Variants in NTMT1 observed in about 807,000 individuals in gnomAD.
The protein encoded by NTMT1 is N-terminal Xaa-Pro-Lys N-methyltransferase 1.
In NTMT1, 8 loss-of-function variants were observed where a neutral mutation model predicts 17.5. That is an observed-to-expected ratio of 0.46 (90% CI 0.27 to 0.82). The LOEUF (loss-of-function observed/expected upper bound fraction) is 0.82, where lower values mean the gene tolerates loss of function less well. Ranked by LOEUF, NTMT1 falls within the 40% of genes least tolerant of loss-of-function variation. The probability of loss-of-function intolerance (pLI) is 0.15; values close to 1 mark genes in which losing one functional copy is unlikely to be tolerated. For missense variants in NTMT1, 221 were observed against 303.5 expected (o/e 0.73, Z 2.02); for synonymous variants, 128 against 126.8 (o/e 1.01, Z -0.06).
chr9:129,616,749 T>C (rs1409368278), intron 1 of NTMT1, among the ~76,000 whole-genome samples: 4 of 152,204 alleles, frequency 2.6e-5, no homozygotes, highest in African/African-American at 9.6e-5. Flanking sequence ...GTTATATGTA[T>C]ATTTCATAGA....
chr9:129,634,018 G>C (rs1287614952), intron 2 of NTMT1, 36 bp from the exon 3 acceptor site: 1 of 1,594,736 alleles, frequency 6.3e-7, no homozygotes, highest in Non-Finnish European at 8.6e-7. Context: ...GCGGTGACAG[G>C]GTCCCTCTGA....
chr9:129,613,624 C>A lies in NTMT1; in HGVS notation c.-55+4446C>A. Reference sequence around the variant, plus strand: ...TGCAGGAAAGAGGGCAGGGTGAGATCTCTGCCCAGGAGGAGGGCACTGGTG... The same window carrying A: ...TGCAGGAAAGAGGGCAGGGTGAGATATCTGCCCAGGAGGAGGGCACTGGTG... On this transcript the variant is annotated intron_variant, in intron 1 of 3. Transcript: ENST00000372486. The surrounding 1 kb of genome is among the most constrained non-coding windows in gnomAD (Gnocchi z 6.2). The A allele has an allele frequency of 6.2e-7, 1 of 1,613,610 alleles. No individual in the cohort carries two copies.
intron 1 of NTMT1, chr9:129,615,623 G>T: frequency 6.3e-7 from 1 of 1,585,408 alleles, no homozygotes; most frequent in Admixed American, 1.8e-5. Context: ...CCTTGAGCCT[G>T]GGGACCTGTG....
chr9:129,618,690 TA>T (rs1830510557), intron 1 of NTMT1, among the ~76,000 whole-genome samples: 1 of 151,442 alleles, frequency 6.6e-6, no homozygotes, highest in African/African-American at 2.4e-5. Flanking sequence ...TATTTTATTT[TA>T]TTTTATTTCA....
Position 129,620,320 on chromosome 9 carries a change from G to C in NTMT1, c.-55+11142G>C. On this transcript the variant is annotated intron_variant, in intron 1 of 3. Coordinates refer to the NTMT1 transcript ENST00000372486. This position sits in a 1 kb window ranked among gnomAD's most constrained non-coding sequence, Gnocchi z 5.8. ...GCTTCCGCACGGCCCGCCGGGTCGC[G>C]GTGAGCAAGGCGGGCAGGCGCGGCG... 6 of 1,237,958 alleles carry C rather than the reference G, an allele frequency of 4.8e-6. No individual in the cohort carries two copies. The highest frequency in any genetic ancestry group is 3.1e-4 in the Middle Eastern group (1 of 3,204). 76.7% of individuals were successfully genotyped at this position (1,237,958 alleles called of 1,614,324 possible). A position where few individuals can be genotyped will look rare whatever the true frequency, so the allele number is the denominator to read the frequency against.
At chr9:129,615,574 G>C in intron 1 of NTMT1, 1 of 1,608,490 alleles carries the variant, frequency 6.2e-7, no homozygotes, top group Non-Finnish European at 8.5e-7. Flanking sequence ...TGCCTGCAGG[G>C]CCTAGAGCCT....
Position 129,613,681 on chromosome 9 carries a change from A to G in NTMT1, c.-55+4503A>G, listed in dbSNP as rs1451276051. ...CCCTCTTTTCCTCCCTCTGGCAGGC[A>G]GGGCCGGTCAGAGCCCTGTCTCCAT... On this transcript the variant is annotated intron_variant, in intron 1 of 3. Coordinates refer to the NTMT1 transcript ENST00000372486. This position sits in a 1 kb window ranked among gnomAD's most constrained non-coding sequence, Gnocchi z 6.2. 245 of 1,548,142 alleles carry G rather than the reference A, an allele frequency of 1.6e-4. No individual in the cohort carries two copies. The East Asian group carries it at 5.4e-3, about 34-fold the overall frequency.
Position 129,620,535 on chromosome 9 carries a change from C to T in NTMT1, c.-55+11357C>T. ...CCGTCGCCAGGGAGCCCCTTGGGCG[C>T]CAGGTCCTGGGCCCCTGGGCGAAGT... On this transcript the variant is annotated intron_variant, in intron 1 of 3. Coordinates refer to the NTMT1 transcript ENST00000372486. The surrounding 1 kb of genome is among the most constrained non-coding windows in gnomAD (Gnocchi z 5.8). 1.4e-6 allele frequency: 2 copies of T among 1,444,060 alleles called. No individual in the cohort carries two copies. The highest frequency in any genetic ancestry group is 2.6e-4 in the Middle Eastern group (1 of 3,858). 89.5% of individuals were successfully genotyped at this position (1,444,060 alleles called of 1,614,324 possible).
At chr9:129,619,892 G>A in intron 1 of NTMT1, 2 of 1,566,222 alleles carry the variant, frequency 1.3e-6, no homozygotes, top group Non-Finnish European at 1.8e-6. Context: ...TAGTCATGTG[G>A]CCTCGGGGTG....
chr9:129,634,952 G>T, intron 3 of NTMT1: 1 of 509,314 alleles, frequency 2.0e-6, no homozygotes, highest in Non-Finnish European at 3.5e-6. Flanking sequence ...TAGGTATCAG[G>T]CAGGACTTGT....
intron 2 of NTMT1, chr9:129,633,226 T>C (rs2118967642): frequency 2.5e-6 from 1 of 400,788 alleles, no homozygotes; most frequent in Non-Finnish European, 4.4e-6. Flanking sequence ...CTCCTAGTTA[T>C]GTGCCATGGT....
rs949397830 is a variant in NTMT1 at position 129,620,664 on chromosome 9, C to T, written c.-55+11486C>T. ...GGGGAGGGCATAGTCCAGCCCCAGG[C>T]CATAGTGCCCCGGGCGGGGCAGCGC... On this transcript the variant is annotated intron_variant, in intron 1 of 3. Coordinates refer to the NTMT1 transcript ENST00000372486. The surrounding 1 kb of genome is among the most constrained non-coding windows in gnomAD (Gnocchi z 5.8). 8.5e-6 allele frequency: 10 copies of T among 1,171,728 alleles called. No individual in the cohort carries two copies. In the African/African-American group the frequency reaches 1.4e-4, roughly 17 times the overall value. The allele number at this position is 1,171,728 out of a possible 1,614,324, so 72.6% of individuals were successfully genotyped here.
At chr9:129,625,556 A>G (rs555737515), upstream of NTMT1, among the ~76,000 whole-genome samples, 47 of 152,198 alleles carry the variant, frequency 3.1e-4, no homozygotes, top group Admixed American at 2.4e-3. Flanking sequence ...CCAAAAGTCA[A>G]TTTAGTCAAG....
At chr9:129,632,423 A>G (rs1275993657) in intron 1 of NTMT1, among the ~76,000 whole-genome samples, 1 of 152,206 alleles carries the variant, frequency 6.6e-6, no homozygotes, top group Non-Finnish European at 1.5e-5. Context: ...CAGAAAAAAT[A>G]AAAATGTAAA....
chr9:129,634,496 T>A, intron 3 of NTMT1, 190 bp downstream of exon 3: 1 of 530,034 alleles, frequency 1.9e-6, no homozygotes, highest in Non-Finnish European at 3.1e-6. Context: ...AAAGGTAGAT[T>A]TCTTCCTTCT....
At chr9:129,618,767 A>T (rs1830513185) in intron 1 of NTMT1, among the ~76,000 whole-genome samples, 1 of 151,864 alleles carries the variant, frequency 6.6e-6, no homozygotes, top group Admixed American at 6.6e-5. Flanking sequence ...ATCTCAGCTC[A>T]CTGCAAGCTC....
rs1588141733 is a variant in NTMT1 at position 129,633,070 on chromosome 9, C to T, written c.162+205C>T. On this transcript the variant is annotated intron_variant, in intron 2 of 3. Coordinates refer to ENST00000372483, the MANE Select transcript of NTMT1 (RefSeq NM_014064.4). Reference sequence around the variant, plus strand: ...TGGACTTAGCCTCAGGGTTACCAGACAGGAGCTGGCTGTTAGGCAGAATTG... The same window carrying T: ...TGGACTTAGCCTCAGGGTTACCAGATAGGAGCTGGCTGTTAGGCAGAATTG... The T allele has an allele frequency of 7.4e-6, 4 of 541,310 alleles. No homozygotes were observed. The South Asian group carries it at 8.2e-5, about 11-fold the overall frequency. The allele number at this position is 541,310 out of a possible 1,614,324, so 33.5% of individuals were successfully genotyped here.
In NTMT1 at chr9:129,632,689, G is replaced by A. The variant is rs1160760739; in HGVS notation, c.-15G>A. 5.0e-6 allele frequency: 8 copies of A among 1,613,580 alleles called. No individual in the cohort carries two copies. The highest frequency in any genetic ancestry group is 6.8e-6 in the Non-Finnish European group (8 of 1,179,714). ...CTGATCGTGGTGCTTGAGTAGAGCC[G>A]TGGTTGGTGACAGCATGACGAGCGA... On this transcript the variant is annotated 5_prime_UTR_variant, in exon 2 of 4. In the 5' UTR this introduces an upstream ATG that the reference lacks. Transcript: ENST00000372483.
intron 1 of NTMT1, among the ~76,000 whole-genome samples, chr9:129,626,984 TG>T (rs752063404): frequency 6.6e-6 from 1 of 152,100 alleles, no homozygotes; most frequent in Non-Finnish European, 1.5e-5. Context: ...CCGGTGGTTG[TG>T]GTGTGTAGAA....
Sources: allele counts gnomAD v4.1 joint callset (sites outside exome capture counted in the v4.1 genomes callset), GRCh38; gene constraint gnomAD v4.1.1; non-coding constraint Gnocchi (gnomAD v3.1); transcripts MANE v1.5; gene names NCBI Gene and HGNC (gene_info 2026-07-23, HGNC 2026-07-21).